The following OAT variants were observed in gnomAD, a reference collection of about 807,000 sequenced individuals.
The protein encoded by OAT is ornithine aminotransferase.
A neutral mutation model predicts 48.4 loss-of-function variants in OAT; 35 were observed. The ratio of observed to expected loss-of-function variants is 0.72; its 90% confidence interval spans 0.55 to 0.96. The LOEUF is 0.96. OAT is among the 40% of genes least tolerant of loss of function. OAT has a pLI of 0.00. For synonymous variants in OAT, 182 were observed against 198.4 expected (o/e 0.92, Z 0.70); for missense variants, 438 against 537.9 (o/e 0.81, Z 1.84).
chr10:124,399,231 T>G (rs1951326299), intron 9 of OAT, among the ~76,000 whole-genome samples: 1 of 151,610 alleles, frequency 6.6e-6, no homozygotes. Flanking sequence ...AGAATCACCT[T>G]AAAGGCTATT....
At chr10:124,404,031 A>G in intron 5 of OAT, 111 bp from the exon 6 acceptor site, 1 of 1,299,880 alleles carries the variant, frequency 7.7e-7, no homozygotes, top group Non-Finnish European at 1.1e-6. Flanking sequence ...AAGTTTTCGC[A>G]CTAACGTAAA....
intron 4 of OAT, chr10:124,405,971 C>T (rs1220851936): frequency 9.1e-6 from 10 of 1,093,928 alleles, no homozygotes; most frequent in East Asian, 7.2e-5. Flanking sequence ...AGACAATTAG[C>T]GGTTTTCCTT....
chr10:124,399,335 A>ATTTTTTTT lies in OAT; in HGVS notation c.1160-1234_1160-1233insAAAAAAAA, dbSNP rs1427092729. 3.0e-5 allele frequency among the ~76,000 whole-genome samples: 3 copies of ATTTTTTTT among 100,376 alleles called. 1 individual carries two copies. The highest frequency in any genetic ancestry group is 7.2e-5 in the African/African-American group (2 of 27,762). 65.9% of individuals were successfully genotyped at this position (100,376 alleles called of 152,430 possible). On this transcript the variant is annotated intron_variant, in intron 9 of 9. Transcript: ENST00000368845. ...ATTTTTTTAAGAAGCTCCCCAGGTG[A>ATTTTTTTT]TTCTTTTTTTTTTTTTTTTTTTTTT...
At position 124,402,690 on chromosome 10, in the gene OAT, C is replaced by T. The variant is rs535320310; in HGVS notation, c.900+237G>A. Among the ~76,000 whole-genome samples, 18 of 152,202 alleles carry T rather than the reference C, an allele frequency of 1.2e-4. 1 individual carries two copies. In the South Asian group the frequency reaches 3.7e-3, roughly 32 times the overall value. On this transcript the variant is annotated intron_variant, in intron 7 of 9. Transcript: ENST00000368845. ...TCCTTTGGGGGTAAACTGTTTCCACCCAAATCCAATGTCATAGCAAATTCC... is the reference window on the plus strand; with the variant it reads ...TCCTTTGGGGGTAAACTGTTTCCACTCAAATCCAATGTCATAGCAAATTCC...
intron 1 of OAT, among the ~76,000 whole-genome samples, chr10:124,415,453 T>G (rs2491161): frequency 0.87 from 131,629 of 152,166 alleles, 57,054 homozygotes; most frequent in East Asian, 0.96. Flanking sequence ...TTAAGATGAA[T>G]TCTGGATATT....
At chr10:124,413,606 T>C (rs1951827973) in intron 1 of OAT, among the ~76,000 whole-genome samples, 1 of 152,056 alleles carries the variant, frequency 6.6e-6, no homozygotes, top group Non-Finnish European at 1.5e-5. Flanking sequence ...TCGCTTGAAC[T>C]TGGGAGGACG....
chr10:124,400,943 C>T lies in OAT; in HGVS notation c.1056G>A (p.Leu352=), dbSNP rs766145396. The T allele has an allele frequency of 1.2e-5, 19 of 1,610,992 alleles. 1 individual carries two copies. The South Asian group carries it at 2.1e-4, about 18-fold the overall frequency. Residue 352 remains leucine (L), a synonymous_variant, in exon 9 of 10, where the codon TTG becomes TTA. Coordinates refer to ENST00000368845, the MANE Select transcript of OAT (RefSeq NM_000274.4). ...TGAGTTCATTTCTCAAGATAATGCC[C>T]AATTTGTCTGCATTTTCAGCAAGGT... ...EENLAENADK[L]GIILRNELMK...
intron 4 of OAT, among the ~76,000 whole-genome samples, chr10:124,408,309 GTGTGTGTGTATATATATA>G (rs1229806416): frequency 1.7e-5 from 1 of 59,294 alleles, no homozygotes; most frequent in South Asian, 6.4e-4. Context: ...GTGTGTGTGT[GTGTGTGTGTATATATATA>G]TATATATATA....
Position 124,403,822 on chromosome 10 carries a change from C to T in OAT, c.747G>A (p.Val249=). 6.2e-7 allele frequency: 1 copy of T among 1,614,154 alleles called. No homozygotes were observed. The highest frequency in any genetic ancestry group is 8.5e-7 in the Non-Finnish European group (1 of 1,180,014). Reference sequence around the variant, plus strand: ...CCTGGTGCCTGGTGCAGAGCTCTCGCACTCCCATTAGGTAACCTGGATCCG... The same window carrying T: ...CCTGGTGCCTGGTGCAGAGCTCTCGTACTCCCATTAGGTAACCTGGATCCG... ...VVPDPGYLMG[V]RELCTRHQVL... Residue 249 remains valine (V), a synonymous_variant, in exon 6 of 10, where the codon GTG becomes GTA. Transcript: ENST00000368845.
At position 124,412,102 on chromosome 10, in the gene OAT, A is replaced by G. The variant is rs1263569523; in HGVS notation, c.70T>C (p.Ser24Pro). The G allele has an allele frequency of 6.2e-7, 1 of 1,614,204 alleles. No individual in the cohort carries two copies. Among genetic ancestry groups the G allele is most frequent in the East Asian group, 2.2e-5 (1 of 44,882 alleles). Residue 24 changes from serine to proline, a missense_variant, in exon 2 of 10, where the codon TCT becomes CCT. Coordinates refer to ENST00000368845, the MANE Select transcript of OAT (RefSeq NM_000274.4). The stretch of plus-strand genomic sequence containing the variant: ...TTTTTAGTTGCAACAGATGTAGCAG[A>G]AGCCACTGAAGAATGAACTCCGCGA... ...LSRGVHSSVASATSVATKKTV... is the reference protein window; with the variant it reads ...LSRGVHSSVAPATSVATKKTV...
chr10:124,411,898 G>T, intron 2 of OAT, 75 bp downstream of exon 2: 2 of 1,274,422 alleles, frequency 1.6e-6, no homozygotes, highest in Non-Finnish European at 2.3e-6. Flanking sequence ...AATGTATATT[G>T]TGAAAATATG....
At position 124,403,796 on chromosome 10, in the gene OAT, ACCTGGTG is replaced by A; in HGVS notation, c.766_771+1del. The A allele has an allele frequency of 6.2e-7, 1 of 1,614,074 alleles. No homozygotes were observed. The highest frequency in any genetic ancestry group is 1.1e-5 in the South Asian group (1 of 91,080). The stretch of plus-strand genomic sequence containing the variant: ...CTTATCACAAACAGCTAACGTGACA[ACCTGGTG>A]CCTGGTGCAGAGCTCTCGCACTCCC... On this transcript the variant is annotated splice_donor_variant and coding_sequence_variant, in exon 6 of 10. Coordinates refer to ENST00000368845, the MANE Select transcript of OAT (RefSeq NM_000274.4). LOFTEE classifies it high-confidence loss of function.
rs1951561008 is a variant in OAT, at chr10:124,405,861, T to TC, written c.521-299dup. On this transcript the variant is annotated intron_variant, in intron 4 of 9. Coordinates refer to ENST00000368845, the MANE Select transcript of OAT (RefSeq NM_000274.4). ...AGATAACTTACTTTTCTTTCAATAA[T>TC]CCCCAACCCAAAACCAAGCCCTAAC... The TC allele has an allele frequency of 3.3e-6, 4 of 1,207,034 alleles. No individual in the cohort carries two copies. The African/African-American group carries it at 6.3e-5, about 19-fold the overall frequency. 74.8% of individuals were successfully genotyped at this position (1,207,034 alleles called of 1,614,324 possible).
intron 4 of OAT, among the ~76,000 whole-genome samples, chr10:124,407,916 T>A (rs2807072): frequency 0.86 from 131,509 of 152,080 alleles, 56,984 homozygotes; most frequent in East Asian, 0.96. Context: ...AGCTTCTAAG[T>A]GGAACATGGC....
chr10:124,411,675 GTGT>G (rs2134488761), intron 2 of OAT, among the ~76,000 whole-genome samples: 1 of 152,194 alleles, frequency 6.6e-6, no homozygotes, highest in South Asian at 2.1e-4. Flanking sequence ...AATTAGCTGG[GTGT>G]GGTGGCGCAC....
At chr10:124,411,163 AAG>A (rs1258217008) in intron 2 of OAT, among the ~76,000 whole-genome samples, 4,117 of 91,690 alleles carry the variant, frequency 0.045, 497 homozygotes, top group African/African-American at 0.069. Flanking sequence ...AAAAAAAAAA[AAG>A]AAGAAGAGAT....
At chr10:124,404,061 G>T in intron 5 of OAT, 141 bp from the exon 6 acceptor site, 4 of 930,028 alleles carry the variant, frequency 4.3e-6, no homozygotes, top group Non-Finnish European at 5.0e-6. Context: ...CAAATTCACT[G>T]CCATTCAATT....
chr10:124,399,713 T>A lies in OAT; in HGVS notation c.1159+1127A>T, dbSNP rs560110766. The stretch of plus-strand genomic sequence containing the variant: ...ATCGTTGCTTTAAAAGGAAGAGTTA[T>A]CACAAGAAAATCCAGCAAGGAACAC... On this transcript the variant is annotated intron_variant, in intron 9 of 9. Transcript: ENST00000368845. Among the ~76,000 whole-genome samples, 16 of 152,200 alleles carry A rather than the reference T, an allele frequency of 1.1e-4. No homozygotes were observed. The East Asian group carries it at 2.7e-3, about 26-fold the overall frequency.
chr10:124,415,279 T>C (rs1053200683), intron 1 of OAT, among the ~76,000 whole-genome samples: 1 of 152,062 alleles, frequency 6.6e-6, no homozygotes, highest in Non-Finnish European at 1.5e-5. Context: ...ACATTACTAA[T>C]ACTCATTCTT....
Sources: allele counts gnomAD v4.1 joint callset (sites outside exome capture counted in the v4.1 genomes callset), GRCh38; gene constraint gnomAD v4.1.1; transcripts MANE v1.5; gene names NCBI Gene and HGNC (gene_info 2026-07-23, HGNC 2026-07-21).